Variants in SLCO4C1 observed in about 807,000 individuals in gnomAD.
The protein encoded by SLCO4C1 is solute carrier organic anion transporter family member 4C1.
Under a neutral mutation model 72.1 loss-of-function variants are expected in SLCO4C1, and 58 were observed. The observed-to-expected ratio is 0.80, with a 90% CI of 0.65 to 1.00. SLCO4C1 has a LOEUF of 1.00. SLCO4C1 is among the 50% of genes least tolerant of loss of function. The pLI is 0.00. For synonymous variants in SLCO4C1, 297 were observed against 312.5 expected, an observed-to-expected ratio of 0.95 and a Z score of 0.52; for missense variants, 898 against 857.9, an observed-to-expected ratio of 1.05 and a Z score of -0.58.
In SLCO4C1 at chr5:102,247,423, C is replaced by A; in HGVS notation, c.1640G>T (p.Cys547Phe). 1 of 1,568,776 alleles carries A rather than the reference C, an allele frequency of 6.4e-7. No individual in the cohort carries two copies. The highest frequency in any genetic ancestry group is 8.7e-7 in the Non-Finnish European group (1 of 1,149,470). ...RKPKVYYNCS[C>F]IERKTEITST... ...TGTTATTTCTGTTTTCCTTTCAATA[C>A]AGGAACAGTTGTAATATACCTAAAA... is the stretch of plus-strand genomic sequence containing the variant. The change falls in exon 10 of 13, where the codon TGT becomes TTT. Residue 547 changes from cysteine (C) to phenylalanine (F), a missense_variant. By Grantham distance (205) the Cys-to-Phe change is radical. Transcript: ENST00000310954.
At chr5:102,288,545 C>T (rs1749496620) in intron 2 of SLCO4C1, among the ~76,000 whole-genome samples, 1 of 152,160 alleles carries the variant, frequency 6.6e-6, no homozygotes, top group African/African-American at 2.4e-5. Context: ...GTCTCTTAAA[C>T]TCCAGTAAGA....
At chr5:102,293,344 A>G (rs755622196) in intron 1 of SLCO4C1, among the ~76,000 whole-genome samples, 6 of 152,160 alleles carry the variant, frequency 3.9e-5, no homozygotes, top group African/African-American at 1.2e-4. Context: ...CTTTGAAAAA[A>G]AAATTTGTAA....
chr5:102,270,579 T>C (rs759143018), intron 3 of SLCO4C1, 45 bp downstream of exon 3: 2 of 1,476,518 alleles, frequency 1.4e-6, no homozygotes, highest in East Asian at 2.4e-5. Context: ...AGTGAACAAA[T>C]AATAAGATAA....
At chr5:102,280,115 A>G (rs932499730) in intron 2 of SLCO4C1, among the ~76,000 whole-genome samples, 9 of 141,584 alleles carry the variant, frequency 6.4e-5, no homozygotes, top group South Asian at 2.2e-4. Flanking sequence ...AAAAAAAAAA[A>G]AGAGAAAGAA....
intron 1 of SLCO4C1, 92 bp from the exon 2 acceptor site, chr5:102,291,698 C>CTTT: frequency 3.0e-6 from 3 of 1,009,836 alleles, no homozygotes; most frequent in Non-Finnish European, 4.0e-6. Context: ...TTATTCATTT[C>CTTT]TTTTTTTTCT....
At position 102,293,441 on chromosome 5, in the gene SLCO4C1, A is replaced by C. The variant is rs375163677; in HGVS notation, c.356-1835T>G. 7.9e-5 allele frequency among the ~76,000 whole-genome samples: 12 copies of C among 152,316 alleles called. No homozygotes were observed. In the East Asian group the frequency reaches 9.6e-4, roughly 12 times the overall value. ...AGTTCCAAGAACACTACTTAAAAAA[A>C]CAAAAACAAAAAAATCAGGAAACGC... On this transcript the variant is annotated intron_variant, in intron 1 of 12. Coordinates refer to ENST00000310954, the MANE Select transcript of SLCO4C1 (RefSeq NM_180991.5).
intron 11 of SLCO4C1, 68 bp from the exon 12 acceptor site, chr5:102,239,456 C>A: frequency 9.2e-7 from 1 of 1,083,582 alleles, no homozygotes; most frequent in South Asian, 2.6e-5. Context: ...TCTTTTTATA[C>A]ATGATCATAC....
At chr5:102,259,615 A>G (rs994150826) in intron 6 of SLCO4C1, among the ~76,000 whole-genome samples, 1 of 152,150 alleles carries the variant, frequency 6.6e-6, no homozygotes, top group African/African-American at 2.4e-5. Flanking sequence ...TTATAACACT[A>G]AATAGAAAGA....
chr5:102,262,698 G>A (rs1035991192), intron 4 of SLCO4C1, among the ~76,000 whole-genome samples: 4 of 152,012 alleles, frequency 2.6e-5, no homozygotes, highest in African/African-American at 7.2e-5. Flanking sequence ...CCACTGTGCC[G>A]AGCCAGGAGT....
chr5:102,258,666 T>C lies in SLCO4C1; in HGVS notation c.1129-579A>G, dbSNP rs571501323. Among the ~76,000 whole-genome samples, 31 of 152,180 alleles carry C rather than the reference T, an allele frequency of 2.0e-4. No homozygotes were observed. In the South Asian group the frequency reaches 6.4e-3, roughly 32 times the overall value. On this transcript the variant is annotated intron_variant, in intron 6 of 12. Transcript: ENST00000310954. ...GTAGTATGGAGGTTAATTGTGTTAA[T>C]ACATTTAACCACAAAATGAAAACCA... is the stretch of plus-strand genomic sequence containing the variant.
chr5:102,266,750 CGTT>C (rs1561374482), intron 3 of SLCO4C1, among the ~76,000 whole-genome samples: 1 of 152,120 alleles, frequency 6.6e-6, no homozygotes, highest in African/African-American at 2.4e-5. Context: ...TTCAGTATAA[CGTT>C]AGCTGTGGGT....
At chr5:102,261,616 A>G (rs1158571719) in intron 5 of SLCO4C1, among the ~76,000 whole-genome samples, 2 of 152,172 alleles carry the variant, frequency 1.3e-5, no homozygotes, top group African/African-American at 2.4e-5. Flanking sequence ...AAGACGTTGT[A>G]CCTTGCATAC....
intron 2 of SLCO4C1, among the ~76,000 whole-genome samples, chr5:102,280,036 C>G (rs976045106): frequency 7.1e-6 from 1 of 141,218 alleles, no homozygotes; most frequent in Admixed American, 7.4e-5. Flanking sequence ...AGAACAATCA[C>G]TCTCACCATT....
intron 2 of SLCO4C1, among the ~76,000 whole-genome samples, chr5:102,275,288 T>C (rs1453789748): frequency 6.6e-6 from 1 of 151,426 alleles, no homozygotes; most frequent in Non-Finnish European, 1.5e-5. Flanking sequence ...GCATATAGAG[T>C]ACAAATGAGG....
intron 3 of SLCO4C1, among the ~76,000 whole-genome samples, chr5:102,268,606 T>A (rs895529580): frequency 6.6e-6 from 1 of 152,198 alleles, no homozygotes; most frequent in African/African-American, 2.4e-5. Flanking sequence ...TCAAGGTTGT[T>A]ATCATTGATA....
At chr5:102,280,313 C>T (rs983704478) in intron 2 of SLCO4C1, among the ~76,000 whole-genome samples, 3 of 151,018 alleles carry the variant, frequency 2.0e-5, no homozygotes. Flanking sequence ...TGGCAATGAA[C>T]ATATGGAAAC....
chr5:102,267,267 C>G (rs1388244906), intron 3 of SLCO4C1, among the ~76,000 whole-genome samples: 1 of 152,146 alleles, frequency 6.6e-6, no homozygotes, highest in Non-Finnish European at 1.5e-5. Flanking sequence ...GCTTTTGTTT[C>G]ATAGGAGACT....
chr5:102,291,833 T>A (rs1217681382), intron 1 of SLCO4C1, among the ~76,000 whole-genome samples: 1 of 152,134 alleles, frequency 6.6e-6, no homozygotes, highest in African/African-American at 2.4e-5. Context: ...ATTTATTTAT[T>A]TTTTTGAGAC....
At chr5:102,295,127 C>T (rs1193898948) in intron 1 of SLCO4C1, among the ~76,000 whole-genome samples, 1 of 152,192 alleles carries the variant, frequency 6.6e-6, no homozygotes, top group Non-Finnish European at 1.5e-5. Context: ...CAGCTTTAAC[C>T]TTCCCTGTGC....
Sources: allele counts gnomAD v4.1 joint callset (sites outside exome capture counted in the v4.1 genomes callset), GRCh38; gene constraint gnomAD v4.1.1; transcripts MANE v1.5; gene names NCBI Gene and HGNC (gene_info 2026-07-23, HGNC 2026-07-21).